The following GRM1 variants were observed in gnomAD, a reference collection of about 807,000 sequenced individuals.
The protein encoded by GRM1 is metabotropic glutamate receptor 1.
GRM1 carries 33 observed loss-of-function variants against 90.9 expected under a neutral mutation model. The ratio of observed to expected loss-of-function variants is 0.36; its 90% CI spans 0.28 to 0.49. The LOEUF is 0.49. GRM1 is among the 20% of genes least tolerant of loss of function. The probability of loss-of-function intolerance (pLI) is 0.99; values close to 1 mark genes in which losing one functional copy is unlikely to be tolerated. For missense variants in GRM1, 1,190 were observed against 1,534.3 expected (o/e 0.78, Z 3.75); for synonymous variants, 700 against 613.2 (o/e 1.14, Z -2.09).
chr6:146,344,340 C>T (rs1215690464), intron 3 of GRM1, among the ~76,000 whole-genome samples: 3 of 152,196 alleles, frequency 2.0e-5, no homozygotes, highest in African/African-American at 4.8e-5. Context: ...AGATTTCGCT[C>T]AGACTGTGAC....
intron 1 of GRM1, among the ~76,000 whole-genome samples, chr6:146,117,075 TG>T (rs1775777741): frequency 6.6e-6 from 1 of 151,610 alleles, no homozygotes; most frequent in Non-Finnish European, 1.5e-5. Flanking sequence ...TATTTTAATA[TG>T]TTTTTTATTC....
intron 2 of GRM1, among the ~76,000 whole-genome samples, chr6:146,213,111 T>C (rs1779736047): frequency 6.6e-6 from 1 of 152,092 alleles, no homozygotes; most frequent in Non-Finnish European, 1.5e-5. Flanking sequence ...TGATTTTTTT[T>C]CTAGAGGAAT....
chr6:146,114,730 T>G (rs530522461), intron 1 of GRM1, among the ~76,000 whole-genome samples: 1 of 152,272 alleles, frequency 6.6e-6, no homozygotes, highest in South Asian at 2.1e-4. Context: ...TAATATTAGT[T>G]GTGTTTGGGT....
At chr6:146,028,528 C>T (rs565315844), upstream of GRM1, among the ~76,000 whole-genome samples, 4 of 151,912 alleles carry the variant, frequency 2.6e-5, no homozygotes, top group African/African-American at 9.7e-5. Context: ...ACCCGTCCAC[C>T]CACCGCGGGA....
chr6:146,095,048 A>G (rs1364013320), intron 1 of GRM1, among the ~76,000 whole-genome samples: 4 of 152,178 alleles, frequency 2.6e-5, no homozygotes, highest in Admixed American at 6.5e-5. Context: ...ATATGAATGT[A>G]TATGTGTCAC....
chr6:146,428,863 A>G (rs529587543), intron 7 of GRM1, among the ~76,000 whole-genome samples: 1 of 152,308 alleles, frequency 6.6e-6, no homozygotes, highest in Admixed American at 6.5e-5. Context: ...TATGAAATAA[A>G]TTGGGTAATG....
At chr6:146,369,756 G>T (rs1366035216) in intron 5 of GRM1, among the ~76,000 whole-genome samples, 1 of 151,930 alleles carries the variant, frequency 6.6e-6, no homozygotes, top group Non-Finnish European at 1.5e-5. Context: ...CTATCCCAGA[G>T]AATGTTAGAT....
intron 1 of GRM1, among the ~76,000 whole-genome samples, chr6:146,125,638 A>G (rs1265367100): frequency 3.9e-5 from 6 of 152,036 alleles, no homozygotes; most frequent in African/African-American, 1.2e-4. Context: ...TAAGGTAATC[A>G]TTTTGCGTTT....
intron 1 of GRM1, among the ~76,000 whole-genome samples, chr6:146,083,629 G>A (rs1230826848): frequency 1.3e-5 from 2 of 152,178 alleles, no homozygotes; most frequent in Non-Finnish European, 2.9e-5. Flanking sequence ...GCTGGATTTG[G>A]TTTGCCAGTA....
intron 1 of GRM1, among the ~76,000 whole-genome samples, chr6:146,052,590 C>T (rs986078014): frequency 1.3e-5 from 2 of 152,016 alleles, no homozygotes; most frequent in African/African-American, 4.8e-5. Flanking sequence ...CCATGGGTCT[C>T]CTTGCCATCC....
At chr6:146,057,647 A>G (rs1775526739) in intron 1 of GRM1, among the ~76,000 whole-genome samples, 1 of 152,092 alleles carries the variant, frequency 6.6e-6, no homozygotes, top group Admixed American at 6.6e-5. Flanking sequence ...GTTGAATCCT[A>G]AAGAATTGCA....
rs374920103 is a variant in GRM1 at position 146,347,755 on chromosome 6, C to G, written c.1187-4495C>G. On this transcript the variant is annotated intron_variant, in intron 3 of 7. Transcript: ENST00000282753. ...TGTACATATGTAAAAAGTTTTTGAC[C>G]TATAAAGATTTCTGCACTTTACTAT... Among the ~76,000 whole-genome samples the G allele has an allele frequency of 1.1e-4, 17 of 152,260 alleles. No homozygotes were observed. The East Asian group carries it at 2.9e-3, about 26-fold the overall frequency.
At chr6:146,200,252 C>A (rs1779257417) in intron 2 of GRM1, among the ~76,000 whole-genome samples, 2 of 152,160 alleles carry the variant, frequency 1.3e-5, no homozygotes, top group South Asian at 4.1e-4. Context: ...AGGTACTAGT[C>A]TCTTGGCAAG....
intron 1 of GRM1, among the ~76,000 whole-genome samples, chr6:146,060,810 T>C (rs1271173957): frequency 1.3e-5 from 2 of 152,160 alleles, no homozygotes; most frequent in Non-Finnish European, 2.9e-5. Flanking sequence ...TTTTAAGTTC[T>C]TTAAGAAATC....
intron 1 of GRM1, among the ~76,000 whole-genome samples, chr6:146,126,424 T>G (rs967382860): frequency 7.2e-5 from 11 of 152,278 alleles, no homozygotes; most frequent in African/African-American, 2.4e-4. Flanking sequence ...TATACACATA[T>G]TTTAAAACTT....
intron 2 of GRM1, among the ~76,000 whole-genome samples, chr6:146,189,992 G>A (rs1390306537): frequency 6.6e-6 from 1 of 152,194 alleles, no homozygotes; most frequent in African/African-American, 2.4e-5. Context: ...AGATGGGAGG[G>A]CAGGAATGTT....
intron 5 of GRM1, among the ~76,000 whole-genome samples, chr6:146,366,008 A>G (rs562845145): frequency 5.3e-5 from 8 of 152,220 alleles, no homozygotes; most frequent in Non-Finnish European, 1.2e-4. Context: ...TTCTTGCTTT[A>G]GTTTTTCCAA....
At chr6:146,209,216 G>A (rs976324966) in intron 2 of GRM1, among the ~76,000 whole-genome samples, 1 of 152,066 alleles carries the variant, frequency 6.6e-6, no homozygotes, top group East Asian at 1.9e-4. Context: ...CATGTTGCAG[G>A]TAACAGATAT....
intron 1 of GRM1, among the ~76,000 whole-genome samples, chr6:146,080,208 C>A (rs1376595412): frequency 1.3e-5 from 2 of 152,026 alleles, no homozygotes; most frequent in Non-Finnish European, 2.9e-5. Flanking sequence ...GGTGATATAG[C>A]AATTAAGTTT....
Sources: gnomAD v4.1 joint callset for allele counts (sites outside exome capture counted in the v4.1 genomes callset) on GRCh38, gnomAD v4.1.1 for gene constraint, MANE v1.5 for transcripts, NCBI Gene and HGNC (gene_info 2026-07-23, HGNC 2026-07-21) for gene names.